Variants in UBN1 observed in about 807,000 individuals in gnomAD.
UBN1 encodes the protein ubinuclein-1.
In UBN1, 17 loss-of-function variants were observed where a neutral mutation model predicts 108.5. The observed-to-expected ratio is 0.16, with a 90% CI of 0.11 to 0.24. The LOEUF is 0.24. UBN1 is among the 10% of genes least tolerant of loss of function. The pLI is 1.00. For synonymous variants in UBN1, 726 were observed against 564.2 expected (o/e 1.29, Z -4.07); for missense variants, 1,595 against 1,394.4 (o/e 1.14, Z -2.29).
chr16:4,870,815 G>C, intron 10 of UBN1, 29 bp from the exon 11 acceptor site: 1 of 1,612,648 alleles, frequency 6.2e-7, no homozygotes. Flanking sequence ...AGCACCTTGG[G>C]GCCCCATGTA....
intron 7 of UBN1, 117 bp downstream of exon 7, chr16:4,861,219 T>A (rs1331707824): frequency 4.2e-6 from 5 of 1,202,642 alleles, no homozygotes; most frequent in Non-Finnish European, 5.7e-6. Context: ...AGTTAAGGTG[T>A]CAGCTTTTTC....
Position 4,872,535 on chromosome 16 carries a change from C to T in UBN1, c.1707-349C>T, listed in dbSNP as rs574333804. On this transcript the variant is annotated intron_variant, in intron 12 of 17. Coordinates refer to ENST00000262376, the MANE Select transcript of UBN1 (RefSeq NM_001079514.3). Reference sequence around the variant, plus strand: ...CCAGACTGGAGTGCAATGGCACGATCTCGGCTCACTGCAACCTCCGCCTCC... The same window carrying T: ...CCAGACTGGAGTGCAATGGCACGATTTCGGCTCACTGCAACCTCCGCCTCC... Among the ~76,000 whole-genome samples the T allele has an allele frequency of 2.6e-5, 4 of 152,340 alleles. No individual in the cohort carries two copies. The South Asian group carries it at 8.3e-4, about 32-fold the overall frequency.
At position 4,870,321 on chromosome 16, in the gene UBN1, A is replaced by C. The variant is rs2087562870; in HGVS notation, c.1291A>C (p.Lys431Gln). The change falls in exon 9 of 18, where the codon AAA becomes CAA. Residue 431 changes from lysine (K) to glutamine (Q), a missense_variant. Lys to Gln is a moderately conservative substitution (Grantham distance 53). Around this residue, in one of 3 missense-constraint regions of UBN1, gnomAD observed 1,398 missense variants for 1,194.7 expected, o/e 1.17. Coordinates refer to ENST00000262376, the MANE Select transcript of UBN1 (RefSeq NM_001079514.3). ...SKDALLKRAR[K>Q]LHLYEQGGRL... is the part of the protein sequence containing the mutation. ...GGATGCCCTGCTCAAGCGTGCTCGG[A>C]AACTTCACCTCTATGAACAGGTGGG... The C allele has an allele frequency of 1.2e-6, 2 of 1,614,048 alleles. No individual in the cohort carries two copies. The highest frequency in any genetic ancestry group is 2.2e-5 in the South Asian group (2 of 91,080).
chr16:4,869,629 C>A (rs765836972), intron 8 of UBN1, among the ~76,000 whole-genome samples: 7 of 152,166 alleles, frequency 4.6e-5, no homozygotes, highest in South Asian at 4.1e-4. Context: ...TGGATTGGCC[C>A]CTTGGGTCAG....
At chr16:4,875,774 G>T (rs1227125789) in intron 15 of UBN1, among the ~76,000 whole-genome samples, 5 of 152,134 alleles carry the variant, frequency 3.3e-5, no homozygotes, top group Admixed American at 2.6e-4. Flanking sequence ...TCTCTCTAAA[G>T]GGGGCTGGAA....
Position 4,874,503 on chromosome 16 carries a change from C to T in UBN1, c.2093C>T (p.Pro698Leu). The change falls in exon 15 of 18, where the codon CCC (proline) becomes CTC (leucine). Residue 698 changes from proline to leucine, a missense_variant. Physicochemically the swap from Pro to Leu is moderately conservative, Grantham distance 98. This residue lies in a region of UBN1 where 1,398 missense variants were observed against 1,194.7 expected (regional missense o/e 1.17). Coordinates refer to ENST00000262376, the MANE Select transcript of UBN1 (RefSeq NM_001079514.3). ...AGNSEFTLPA[P>L]SKAPAEKVGG... ...AACTCTGAATTCACACTGCCTGCAC[C>T]CTCAAAAGCACCTGCAGAAAAAGTT... 1 of 1,614,204 alleles carries T rather than the reference C, an allele frequency of 6.2e-7. No individual in the cohort carries two copies. The highest frequency in any genetic ancestry group is 8.5e-7 in the Non-Finnish European group (1 of 1,180,040).
intron 7 of UBN1, among the ~76,000 whole-genome samples, chr16:4,862,241 A>G (rs1380005354): frequency 6.6e-6 from 1 of 152,228 alleles, no homozygotes; most frequent in Non-Finnish European, 1.5e-5. Context: ...TTTGTGTTTT[A>G]GGGCAGGGTA....
At chr16:4,853,856 C>G (rs1437642845) in intron 2 of UBN1, among the ~76,000 whole-genome samples, 6 of 152,152 alleles carry the variant, frequency 3.9e-5, no homozygotes, top group Non-Finnish European at 7.3e-5. Context: ...GCCACTGCAC[C>G]TAGCCACAAC....
chr16:4,849,966 AC>A lies in UBN1; in HGVS notation c.-40+1758del, dbSNP rs1170787713. On this transcript the variant is annotated intron_variant, in intron 1 of 17. Transcript: ENST00000262376. ...CTGTCTCACAAAAAAAAAAAAAAAA[AC>A]CACAAAAAAAGCTAAAATCTTTCCA... Among the ~76,000 whole-genome samples, 8 of 145,092 alleles carry A rather than the reference AC, an allele frequency of 5.5e-5. No homozygotes were observed. In the East Asian group the frequency reaches 6.0e-4, roughly 11 times the overall value.
chr16:4,860,614 C>G (rs1382449965), intron 6 of UBN1, 50 bp from the exon 7 acceptor site: 1 of 1,549,706 alleles, frequency 6.5e-7, no homozygotes. Flanking sequence ...CTGGAGTTCC[C>G]TTTGGAGGTG....
At chr16:4,864,003 A>AG (rs1433861269) in intron 7 of UBN1, among the ~76,000 whole-genome samples, 2 of 149,304 alleles carry the variant, frequency 1.3e-5, no homozygotes, top group African/African-American at 4.9e-5. Flanking sequence ...TTAGGGAGCT[A>AG]GGGTGCACCT....
chr16:4,874,163 T>C, intron 14 of UBN1, 48 bp from the exon 15 acceptor site: 1 of 1,506,024 alleles, frequency 6.6e-7, no homozygotes, highest in South Asian at 1.4e-5. Flanking sequence ...AGGCCAATGT[T>C]GGCATCTTTG....
At chr16:4,852,852 C>A in intron 1 of UBN1, 27 bp from the exon 2 acceptor site, 1 of 1,535,090 alleles carries the variant, frequency 6.5e-7, no homozygotes, top group Non-Finnish European at 8.8e-7. Flanking sequence ...CTTCGTTTGA[C>A]CTGGCCCTTC....
intron 7 of UBN1, among the ~76,000 whole-genome samples, chr16:4,862,018 C>G (rs932018974): frequency 1.3e-5 from 2 of 152,208 alleles, no homozygotes; most frequent in African/African-American, 2.4e-5. Context: ...GGGAATTAAG[C>G]ACTGAGAATT....
chr16:4,861,017 G>A lies in UBN1; in HGVS notation c.1025G>A (p.Gly342Glu), dbSNP rs529158132. ...GATGGAAGTGATTCCCTTGGGGTGG[G>A]ATTGGACCAGGAATTCAGGCAGCCC... Reference protein sequence around the residue: ...MDDGSDSLGVGLDQEFRQPSS... With the variant: ...MDDGSDSLGVELDQEFRQPSS... The change falls in exon 7 of 18, where the codon GGA becomes GAA. Residue 342 changes from glycine (G) to glutamate (E), a missense_variant. Gly to Glu is a moderately conservative substitution (Grantham distance 98). Transcript: ENST00000262376. 4 of 1,614,230 alleles carry A rather than the reference G, an allele frequency of 2.5e-6. No homozygotes were observed. In the African/African-American group the frequency reaches 4.0e-5, roughly 16 times the overall value.
Position 4,874,470 on chromosome 16 carries a change from C to G in UBN1, c.2060C>G (p.Ala687Gly). The part of the protein sequence containing the change: ...SKELAALNSR[A>G]AGNSEFTLPA... ...GAATTGGCTGCATTGAATAGCAGAG[C>G]AGCTGGGAACTCTGAATTCACACTG... The change falls in exon 15 of 18, where the codon GCA (alanine) becomes GGA (glycine). Residue 687 changes from alanine (A) to glycine (G), a missense_variant. Physicochemically the swap from Ala to Gly is moderately conservative, Grantham distance 60 (BLOSUM62 0). This residue lies in a region of UBN1 where 1,398 missense variants were observed against 1,194.7 expected (regional missense o/e 1.17). Coordinates refer to ENST00000262376, the MANE Select transcript of UBN1 (RefSeq NM_001079514.3). 6.2e-7 allele frequency: 1 copy of G among 1,614,214 alleles called. No individual in the cohort carries two copies. Among genetic ancestry groups the G allele is most frequent in the Non-Finnish European group, 8.5e-7 (1 of 1,180,050 alleles).
At position 4,877,243 on chromosome 16, in the gene UBN1, C is replaced by T. The variant is rs906763645; in HGVS notation, c.3265+132C>T. 1.9e-5 allele frequency: 28 copies of T among 1,511,352 alleles called. No homozygotes were observed. The highest frequency in any genetic ancestry group is 5.5e-5 in the African/African-American group (4 of 72,184). The allele number at this position is 1,511,352 out of a possible 1,614,324, so 93.6% of individuals were successfully genotyped here. On this transcript the variant is annotated intron_variant, in intron 16 of 17. Coordinates refer to ENST00000262376, the MANE Select transcript of UBN1 (RefSeq NM_001079514.3). The surrounding 1 kb of genome is among the most constrained non-coding windows in gnomAD (Gnocchi z 4.3). ...GTGGGGAACATCTCCGGGAACTGTG[C>T]CAAGCCCCCACTGCCCCTTTGGGTG...
chr16:4,873,576 C>T (rs997002017), intron 14 of UBN1, among the ~76,000 whole-genome samples: 6 of 152,150 alleles, frequency 3.9e-5, no homozygotes, highest in African/African-American at 1.2e-4. Context: ...CAACATTTTT[C>T]CCAGTTCTTA....
chr16:4,870,454 A>G, intron 9 of UBN1, 62 bp from the exon 10 acceptor site: 3 of 1,611,756 alleles, frequency 1.9e-6, no homozygotes, highest in Non-Finnish European at 2.5e-6. Context: ...TCACCCCATC[A>G]TGCGTCCTGA....
Sources: allele counts gnomAD v4.1 joint callset (sites outside exome capture counted in the v4.1 genomes callset), GRCh38; gene constraint gnomAD v4.1.1; regional missense constraint gnomAD v4.1.1; non-coding constraint Gnocchi (gnomAD v3.1); transcripts MANE v1.5; gene names NCBI Gene and HGNC (gene_info 2026-07-23, HGNC 2026-07-21).